The following PLEC variants were observed in gnomAD, a reference collection of about 807,000 sequenced individuals.
PLEC encodes hemidesmosomal protein 1.
In PLEC, 216 loss-of-function variants were observed where a neutral mutation model predicts 392.8. The observed-to-expected ratio is 0.55, with a 90% CI of 0.49 to 0.62. The LOEUF (loss-of-function observed/expected upper bound fraction) is 0.62, where lower values mean the gene tolerates loss of function less well. PLEC is among the 20% of genes least tolerant of loss of function. The pLI is 0.00. For synonymous variants in PLEC, 3,621 were observed against 2,980.6 expected (o/e 1.21, Z -7.00); for missense variants, 6,863 against 6,563.4 (o/e 1.05, Z -1.58).
chr8:143,923,776 C>T lies in PLEC; in HGVS notation c.6153G>A (p.Glu2051=). Reference sequence around the variant, plus strand: ...GCTGCACCGCGAAGGCGTGTGCCTTCTCTTCCGCCTGCAGCCGCTTCTGGG... The same window carrying T: ...GCTGCACCGCGAAGGCGTGTGCCTTTTCTTCCGCCTGCAGCCGCTTCTGGG... ...EAAQKRLQAE[E]KAHAFAVQQK... is the part of the protein sequence containing the mutation. Residue 2051 remains glutamate (E), a synonymous_variant, in exon 31 of 32, where the codon GAG becomes GAA. Transcript: ENST00000345136. 1.3e-6 allele frequency: 2 copies of T among 1,571,042 alleles called. No homozygotes were observed. Among genetic ancestry groups the T allele is most frequent in the Non-Finnish European group, 8.6e-7 (1 of 1,166,478 alleles).
At chr8:143,926,941 C>A (rs1554706243) in intron 29 of PLEC, 36 bp downstream of exon 29, 1 of 1,605,852 alleles carries the variant, frequency 6.2e-7, no homozygotes, top group Admixed American at 1.7e-5. Flanking sequence ...AGAGGCCTGC[C>A]AGCCCCTCAC....
At chr8:143,950,517 T>G (rs1554735595) in exon 1 of PLEC, 1 of 1,607,464 alleles carries the variant, frequency 6.2e-7, no homozygotes, top group Non-Finnish European at 8.5e-7. Context: ...CAGGCAAAGG[T>G]CTCGCGGACC....
intron 1 of PLEC, among the ~76,000 whole-genome samples, chr8:143,966,212 C>A (rs1224192141): frequency 2.0e-5 from 3 of 152,202 alleles, no homozygotes; most frequent in Admixed American, 6.5e-5. Context: ...CCCAACAGGC[C>A]CCCATGGCTG....
chr8:143,919,089 C>G lies in PLEC; in HGVS notation c.10732G>C (p.Gly3578Arg). ...EETQIDIPGG[G>R]SHGGSTMSLW... is the part of the protein sequence containing the mutation. ...GACATGGTGGAGCCGCCGTGGCTGC[C>G]GCCGCCGGGAATGTCGATCTGTGTC... The change falls in exon 32 of 32, where the codon GGC (glycine) becomes CGC (arginine). Residue 3578 changes from glycine (G) to arginine (R), a missense_variant. Gly to Arg is a moderately radical substitution (Grantham distance 125, BLOSUM62 -2). Coordinates refer to ENST00000345136, the MANE Select transcript of PLEC (RefSeq NM_201384.3). The G allele has an allele frequency of 6.2e-7, 1 of 1,611,744 alleles. No individual in the cohort carries two copies. The highest frequency in any genetic ancestry group is 2.2e-5 in the East Asian group (1 of 44,874).
Position 143,922,665 on chromosome 8 carries a change from G to C in PLEC, c.7264C>G (p.Leu2422Val). Reference sequence around the variant, plus strand: ...AGGGTCACCTTCTCCTGGGTGGCGAGCTCCGTGCGGTGCAGCTTCTCACCG... The same window carrying C: ...AGGGTCACCTTCTCCTGGGTGGCGACCTCCGTGCGGTGCAGCTTCTCACCG... ...EIGEKLHRTE[L>V]ATQEKVTLVQ... Residue 2422 changes from leucine to valine, a missense_variant, in exon 31 of 32, where the codon CTC becomes GTC. Coordinates refer to ENST00000345136, the MANE Select transcript of PLEC (RefSeq NM_201384.3). 2.5e-6 allele frequency: 4 copies of C among 1,613,258 alleles called. No homozygotes were observed. Among genetic ancestry groups the C allele is most frequent in the Non-Finnish European group, 3.4e-6 (4 of 1,179,914 alleles).
At chr8:143,938,768 C>G (rs539360564) in intron 1 of PLEC, 76 bp from the exon 2 acceptor site, 3 of 1,310,118 alleles carry the variant, frequency 2.3e-6, no homozygotes, top group South Asian at 2.4e-5. Context: ...CGTGCAGACA[C>G]AGCAGCCTGG....
At position 143,937,241 on chromosome 8, in the gene PLEC, G is replaced by C; in HGVS notation, c.266C>G (p.Pro89Arg). Residue 89 changes from proline to arginine, a missense_variant and splice_region_variant, in exon 4 of 32, where the codon CCC becomes CGC. Transcript: ENST00000345136. ...GAAACGCATCCTCCCCTTCTCCCGG[G>C]GCTGTGGGGAGGCACAGTCAGCACC... ...LLEVLSGDSLPREKGRMRFHK... is the reference protein window; with the variant it reads ...LLEVLSGDSLRREKGRMRFHK... 6.2e-7 allele frequency: 1 copy of C among 1,612,008 alleles called. No individual in the cohort carries two copies. The highest frequency in any genetic ancestry group is 2.2e-5 in the East Asian group (1 of 44,868).
chr8:143,948,560 T>A (rs1831768051), intron 1 of PLEC, among the ~76,000 whole-genome samples: 1 of 152,230 alleles, frequency 6.6e-6, no homozygotes, highest in African/African-American at 2.4e-5. Flanking sequence ...TTGAGCCTGC[T>A]GGCCCTGACT....
rs541209817 is a variant in PLEC at position 143,918,183 on chromosome 8, C to T, written c.11638G>A (p.Ala3880Thr). 5.2e-5 allele frequency: 83 copies of T among 1,592,752 alleles called. No individual in the cohort carries two copies. In the East Asian group the frequency reaches 1.2e-3, roughly 22 times the overall value. Reference sequence around the variant, plus strand: ...AGGCCACGGAAGGTCAGCTTGCGGGCGTCCGACAGTGGCAGGAGCAGCTGG... The same window carrying T: ...AGGCCACGGAAGGTCAGCTTGCGGGTGTCCGACAGTGGCAGGAGCAGCTGG... ...TGQLLLPLSD[A>T]RKLTFRGLRK... is the part of the protein sequence containing the mutation. Residue 3880 changes from alanine (A) to threonine (T), a missense_variant, in exon 32 of 32, where the codon GCC (alanine) becomes ACC (threonine). Transcript: ENST00000345136.
intron 1 of PLEC, chr8:143,946,312 CCTCTGCCTCCCACAGCCCCCAG>C (rs1831466463): frequency 1.6e-6 from 2 of 1,282,980 alleles, no homozygotes; most frequent in African/African-American, 3.0e-5. Context: ...CCGGCCCTCT[CCTCTGCCTCCCACAGCCCCCAG>C]CTCTGCCTGC....
chr8:143,918,986 C>T lies in PLEC; in HGVS notation c.10835G>A (p.Arg3612Gln), dbSNP rs369226598. 8.6e-5 allele frequency: 139 copies of T among 1,611,134 alleles called. No individual in the cohort carries two copies. In the Middle Eastern group the frequency reaches 4.0e-3, roughly 46 times the overall value. Residue 3612 changes from arginine to glutamine, a missense_variant, in exon 32 of 32, where the codon CGG becomes CAG. Coordinates refer to ENST00000345136, the MANE Select transcript of PLEC (RefSeq NM_201384.3). ...GATGATCATGCGTTCCTTGGTCACC[C>T]GGCCGGCCTGGAAGTCAGCCATCAG... ...AQLMADFQAG[R>Q]VTKERMIIII...
At chr8:143,973,633 C>G (rs1352490530), upstream of PLEC, 2 of 706,108 alleles carry the variant, frequency 2.8e-6, no homozygotes, top group Non-Finnish European at 3.5e-6. The surrounding 1 kb of genome is among the most constrained non-coding windows in gnomAD (Gnocchi z 5.6). Flanking sequence ...CCGGGGCCGC[C>G]GCGGCCGGGC....
In PLEC at chr8:143,919,518, C is replaced by G; in HGVS notation, c.10303G>C (p.Gly3435Arg). The G allele has an allele frequency of 2.5e-6, 4 of 1,612,304 alleles. No individual in the cohort carries two copies. Among genetic ancestry groups the G allele is most frequent in the Non-Finnish European group, 3.4e-6 (4 of 1,179,736 alleles). Residue 3435 changes from glycine to arginine, a missense_variant, in exon 32 of 32, where the codon GGC (glycine) becomes CGC (arginine). Physicochemically the swap from Gly to Arg is moderately radical, Grantham distance 125 (BLOSUM62 -2). Coordinates refer to ENST00000345136, the MANE Select transcript of PLEC (RefSeq NM_201384.3). Reference protein sequence around the residue: ...QLLSAEKAVTGYRDPYSGSTI... With the variant: ...QLLSAEKAVTRYRDPYSGSTI... ...CTGCCCGAGTAGGGGTCTCTGTAGC[C>G]GGTGACGGCCTTCTCGGCAGACAGC...
At chr8:143,973,578 C>A (rs1833548215), upstream of PLEC, 5 of 989,892 alleles carry the variant, frequency 5.1e-6, no homozygotes, top group Non-Finnish European at 6.0e-6. This position sits in a 1 kb window ranked among gnomAD's most constrained non-coding sequence, Gnocchi z 5.6. Flanking sequence ...CCGCCCCGCC[C>A]CCGCCCCGCC....
At position 143,929,787 on chromosome 8, in the gene PLEC, T is replaced by C; in HGVS notation, c.2782A>G (p.Ser928Gly). 2.5e-6 allele frequency: 4 copies of C among 1,599,776 alleles called. No individual in the cohort carries two copies. The highest frequency in any genetic ancestry group is 3.4e-6 in the Non-Finnish European group (4 of 1,178,582). The stretch of plus-strand genomic sequence containing the variant: ...AAGGCCTGGTAGTGCAGCTCCAGGC[T>C]GTGCAGGGCTTGGCGCTGCTCCTCT... ...KPEEQRQALH[S>G]LELHYQAFLR... Residue 928 changes from serine (S) to glycine (G), a missense_variant, in exon 23 of 32, where the codon AGC becomes GGC. Transcript: ENST00000345136.
intron 1 of PLEC, among the ~76,000 whole-genome samples, chr8:143,968,825 T>A (rs982943485): frequency 6.6e-6 from 1 of 152,200 alleles, no homozygotes; most frequent in South Asian, 2.1e-4. Flanking sequence ...TAGGATTGGA[T>A]GTCTGCAATC....
chr8:143,956,194 C>T (rs1832584769), upstream of PLEC, among the ~76,000 whole-genome samples: 1 of 152,096 alleles, frequency 6.6e-6, no homozygotes. Context: ...GTGATCCACC[C>T]GTCTTGGGCT....
At chr8:143,958,362 C>T (rs1448483633), upstream of PLEC, among the ~76,000 whole-genome samples, 1 of 152,152 alleles carries the variant, frequency 6.6e-6, no homozygotes, top group African/African-American at 2.4e-5. This position sits in a 1 kb window ranked among gnomAD's most constrained non-coding sequence, Gnocchi z 4.9. Flanking sequence ...GAGCCACATC[C>T]TTCTCCTCTC....
upstream of PLEC, among the ~76,000 whole-genome samples, chr8:143,953,161 C>G (rs1832370832): frequency 6.6e-6 from 1 of 151,674 alleles, no homozygotes; most frequent in South Asian, 2.1e-4. Context: ...CTGGGAGGGC[C>G]AGGGTGTGCG....
Sources: allele counts gnomAD v4.1 joint callset (sites outside exome capture counted in the v4.1 genomes callset), GRCh38; gene constraint gnomAD v4.1.1; non-coding constraint Gnocchi (gnomAD v3.1); transcripts MANE v1.5; gene names NCBI Gene and HGNC (gene_info 2026-07-23, HGNC 2026-07-21).